TTC39C: variants seen among roughly 807,000 people sequenced by gnomAD.
TTC39C encodes the protein tetratricopeptide repeat domain 39C, also known as tetratricopeptide repeat protein 39C.
In TTC39C, 33 loss-of-function variants were observed where a neutral mutation model predicts 76.3. The observed-to-expected ratio is 0.43, with a 90% confidence interval of 0.33 to 0.58. TTC39C has a LOEUF of 0.58. Among genes scored for constraint, TTC39C ranks in the 20% least tolerant of loss-of-function variants. The pLI is 0.04. For missense variants in TTC39C, 595 were observed against 701.4 expected (o/e 0.85, Z 1.71); for synonymous variants, 254 against 260.6 (o/e 0.97, Z 0.24).
intron 1 of TTC39C, among the ~76,000 whole-genome samples, chr18:24,002,267 G>A (rs950822661): frequency 6.6e-6 from 1 of 152,154 alleles, no homozygotes; most frequent in African/African-American, 2.4e-5. Flanking sequence ...TGGGGATCTA[G>A]AAAACTGGAG....
At chr18:24,025,131 A>G (rs1394866738) in intron 1 of TTC39C, among the ~76,000 whole-genome samples, 1 of 152,174 alleles carries the variant, frequency 6.6e-6, no homozygotes, top group Non-Finnish European at 1.5e-5. Flanking sequence ...GGCCTCTAAA[A>G]GTGCTGGGAT....
intron 1 of TTC39C, among the ~76,000 whole-genome samples, chr18:24,000,716 T>C (rs2083304857): frequency 6.6e-6 from 1 of 152,168 alleles, no homozygotes; most frequent in African/African-American, 2.4e-5. Flanking sequence ...AGCGCTCTGT[T>C]CTCAGAAGCA....
intron 9 of TTC39C, among the ~76,000 whole-genome samples, 173 bp from the exon 10 acceptor site, chr18:24,125,254 G>A (rs2085034448): frequency 6.6e-6 from 1 of 152,220 alleles, no homozygotes; most frequent in Admixed American, 6.5e-5. Context: ...TTTCCAGTCT[G>A]TCAAAAATTG....
intron 10 of TTC39C, among the ~76,000 whole-genome samples, chr18:24,128,668 C>A (rs2085081599): frequency 6.6e-6 from 1 of 152,154 alleles, no homozygotes; most frequent in Admixed American, 6.6e-5. Flanking sequence ...CTGACTAGTA[C>A]AGTACCTCAT....
intron 6 of TTC39C, among the ~76,000 whole-genome samples, chr18:24,098,333 G>T (rs1180057051): frequency 6.7e-6 from 1 of 149,920 alleles, no homozygotes; most frequent in African/African-American, 2.5e-5. Flanking sequence ...GTTATTTTAG[G>T]ATTAAGGAAG....
chr18:24,130,161 A>G, intron 11 of TTC39C, 152 bp from the exon 12 acceptor site: 1 of 399,536 alleles, frequency 2.5e-6, no homozygotes. Context: ...TCTAAGATGT[A>G]GATAGGAAAG....
intron 1 of TTC39C, among the ~76,000 whole-genome samples, chr18:24,062,967 C>T (rs1229250798): frequency 3.3e-5 from 5 of 152,286 alleles, no homozygotes; most frequent in East Asian, 1.9e-4. Flanking sequence ...TTCTCTTTCC[C>T]GTAGACCCAC....
chr18:24,013,644 C>A (rs188310769), upstream of TTC39C, among the ~76,000 whole-genome samples: 28 of 152,288 alleles, frequency 1.8e-4, no homozygotes, highest in African/African-American at 7.2e-5. Context: ...AAAACGACAG[C>A]GACTCAAGGA....
chr18:24,091,934 A>T (rs938713289), intron 6 of TTC39C, among the ~76,000 whole-genome samples: 7 of 151,630 alleles, frequency 4.6e-5, no homozygotes, highest in Admixed American at 1.3e-4. Context: ...CTAAAAAAAA[A>T]TGCAAAAAAT....
chr18:24,017,179 G>A (rs921570065), intron 1 of TTC39C, among the ~76,000 whole-genome samples: 1 of 152,090 alleles, frequency 6.6e-6, no homozygotes, highest in Non-Finnish European at 1.5e-5. Flanking sequence ...GCTTTCCTTG[G>A]CTCCATCTGA....
At chr18:24,001,489 T>C (rs1489275028) in intron 1 of TTC39C, 1 of 152,324 alleles carries the variant, frequency 6.6e-6, no homozygotes. Context: ...TTCTCTCCTC[T>C]GTCTTCCCCC....
intron 6 of TTC39C, among the ~76,000 whole-genome samples, chr18:24,107,246 C>T (rs186693391): frequency 8.4e-4 from 128 of 152,104 alleles, no homozygotes; most frequent in Non-Finnish European, 1.4e-3. Context: ...CCAAATACCT[C>T]ATGAATATTA....
At chr18:24,112,299 A>T (rs1282211304) in intron 6 of TTC39C, among the ~76,000 whole-genome samples, 11 of 152,160 alleles carry the variant, frequency 7.2e-5, no homozygotes, top group East Asian at 1.9e-4. Context: ...TCATCTCAGG[A>T]TCCTTGACTT....
At chr18:24,061,595 A>G (rs942241633) in intron 1 of TTC39C, among the ~76,000 whole-genome samples, 6 of 147,078 alleles carry the variant, frequency 4.1e-5, no homozygotes, top group East Asian at 2.0e-4. Context: ...GAAATAAGTA[A>G]AAAAAAAAAA....
chr18:24,051,555 A>G (rs1259936484), intron 1 of TTC39C, among the ~76,000 whole-genome samples: 2 of 152,180 alleles, frequency 1.3e-5, no homozygotes, highest in Admixed American at 6.5e-5. Context: ...GACTGGACCT[A>G]TTCCAAACAT....
chr18:24,052,803 G>A (rs1333103770), intron 1 of TTC39C, among the ~76,000 whole-genome samples: 1 of 152,148 alleles, frequency 6.6e-6, no homozygotes, highest in African/African-American at 2.4e-5. Flanking sequence ...AATTTATCAT[G>A]GATCCTTAGA....
At chr18:24,104,655 A>G (rs1188179001) in intron 6 of TTC39C, among the ~76,000 whole-genome samples, 1 of 151,598 alleles carries the variant, frequency 6.6e-6, no homozygotes, top group East Asian at 2.0e-4. Flanking sequence ...TCAAATGCCT[A>G]GACCAGTGCC....
intron 6 of TTC39C, among the ~76,000 whole-genome samples, chr18:24,097,044 C>G (rs747041003): frequency 6.6e-5 from 10 of 152,130 alleles, no homozygotes; most frequent in South Asian, 2.1e-4. Flanking sequence ...CCTAATGATT[C>G]CCAAGGAAAT....
At chr18:24,082,152 C>G (rs966496011) in intron 5 of TTC39C, among the ~76,000 whole-genome samples, 1 of 151,490 alleles carries the variant, frequency 6.6e-6, no homozygotes, top group Non-Finnish European at 1.5e-5. Flanking sequence ...TCCCAAGTAG[C>G]TAGGATTACA....
Sources: gnomAD v4.1 joint callset for allele counts (sites outside exome capture counted in the v4.1 genomes callset) on GRCh38, gnomAD v4.1.1 for gene constraint, MANE v1.5 for transcripts, NCBI Gene and HGNC (gene_info 2026-07-23, HGNC 2026-07-21) for gene names.